Variants in WDR72 observed in about 807,000 individuals in gnomAD.
WDR72 encodes the protein WD repeat domain 72.
In WDR72, 120 loss-of-function variants were observed where a neutral mutation model predicts 124.2. The observed-to-expected ratio is 0.97, with a 90% CI of 0.83 to 1.12. The LOEUF (loss-of-function observed/expected upper bound fraction) is 1.12, where lower values mean the gene tolerates loss of function less well. WDR72 is among the 50% of genes most tolerant of loss of function. The pLI, the probability that WDR72 is intolerant of heterozygous loss-of-function variation, is 0.00. For synonymous variants in WDR72, 452 were observed against 441.7 expected (o/e 1.02, Z -0.29); for missense variants, 1,387 against 1,278.8 (o/e 1.08, Z -1.29).
At chr15:53,730,744 C>CT (rs1038976727) in intron 2 of WDR72, among the ~76,000 whole-genome samples, 2 of 152,072 alleles carry the variant, frequency 1.3e-5, no homozygotes, top group Admixed American at 1.3e-4. Flanking sequence ...TCAAGGACTC[C>CT]TTTTTTTCTA....
At chr15:53,687,410 A>T (rs974421325) in intron 13 of WDR72, among the ~76,000 whole-genome samples, 1 of 150,660 alleles carries the variant, frequency 6.6e-6, no homozygotes, top group East Asian at 2.0e-4. Flanking sequence ...AATACAAACT[A>T]CCATCAGAGA....
At chr15:53,720,591 T>TA (rs1325215382) in intron 3 of WDR72, among the ~76,000 whole-genome samples, 1 of 152,228 alleles carries the variant, frequency 6.6e-6, no homozygotes, top group Non-Finnish European at 1.5e-5. Flanking sequence ...AAAAGTGTTT[T>TA]TGTTGGATAT....
rs773243366 is a variant in WDR72 at position 53,699,820 on chromosome 15, C to T, written c.1695G>A (p.Trp565Ter). The change falls in exon 13 of 20, where the codon TGG becomes TGA. Residue 565 changes from tryptophan to a stop codon, truncating the protein, a stop_gained. Transcript: ENST00000360509. LOFTEE classifies it high-confidence loss of function. Reference protein sequence around the residue: ...KHLFPVRMIKWHPVENFLIVG... With the variant: ...KHLFPVRMIK The stretch of plus-strand genomic sequence containing the variant: ...CAATTAAAAAATTCTCAACCGGGTG[C>T]CATTTTATCATCCTCACAGGAAAAA... 6.2e-7 allele frequency: 1 copy of T among 1,614,134 alleles called. No individual in the cohort carries two copies. Among genetic ancestry groups the T allele is most frequent in the South Asian group, 1.1e-5 (1 of 91,070 alleles).
intron 14 of WDR72, among the ~76,000 whole-genome samples, chr15:53,634,219 C>A (rs888704161): frequency 1.3e-5 from 2 of 152,124 alleles, no homozygotes; most frequent in Non-Finnish European, 2.9e-5. Flanking sequence ...TAGACAGAAG[C>A]CTGCTTAACT....
chr15:53,607,405 C>T (rs891724542), intron 17 of WDR72, among the ~76,000 whole-genome samples: 4 of 152,050 alleles, frequency 2.6e-5, no homozygotes, highest in Non-Finnish European at 1.5e-5. Flanking sequence ...GACAAAAGTG[C>T]CAAGAACATA....
chr15:53,638,023 G>A (rs1245341322), intron 14 of WDR72, among the ~76,000 whole-genome samples: 1 of 152,104 alleles, frequency 6.6e-6, no homozygotes, highest in African/African-American at 2.4e-5. Flanking sequence ...TGAAAAATTT[G>A]TATTCCTTTA....
At chr15:53,574,397 A>T (rs2140309760) in intron 18 of WDR72, among the ~76,000 whole-genome samples, 1 of 152,300 alleles carries the variant, frequency 6.6e-6, no homozygotes, top group South Asian at 2.1e-4. Context: ...AATGACAGGC[A>T]TTGACCTAGG....
At chr15:53,692,353 A>G (rs2016871196) in intron 13 of WDR72, among the ~76,000 whole-genome samples, 1 of 152,204 alleles carries the variant, frequency 6.6e-6, no homozygotes, top group Non-Finnish European at 1.5e-5. Flanking sequence ...ATTGAGCACA[A>G]TTAGAATGGA....
In WDR72 at chr15:53,661,342, G is replaced by T. The variant is rs530767642; in HGVS notation, c.1962+4230C>A. On this transcript the variant is annotated intron_variant, in intron 14 of 19. Coordinates refer to ENST00000360509, the MANE Select transcript of WDR72 (RefSeq NM_182758.4). ...ATGGCAGAAGGTGAACCAGAGCCAT[G>T]TGTGCAGAGATCACATGGTGAAAAG... 2.4e-4 allele frequency among the ~76,000 whole-genome samples: 37 copies of T among 152,318 alleles called. No homozygotes were observed. The South Asian group carries it at 7.7e-3, about 32-fold the overall frequency.
intron 12 of WDR72, 25 bp downstream of exon 12, chr15:53,702,109 T>A: frequency 6.5e-7 from 1 of 1,539,474 alleles, no homozygotes; most frequent in Non-Finnish European, 8.9e-7. Context: ...CAAATTTAGA[T>A]GTTATATTTT....
chr15:53,559,797 G>A (rs552554436), intron 18 of WDR72, among the ~76,000 whole-genome samples: 2 of 151,982 alleles, frequency 1.3e-5, no homozygotes, highest in Non-Finnish European at 2.9e-5. Context: ...TGCCAATTAT[G>A]TTCTCTTAAC....
intron 14 of WDR72, among the ~76,000 whole-genome samples, chr15:53,645,107 T>C (rs2014995532): frequency 6.6e-6 from 1 of 152,134 alleles, no homozygotes; most frequent in Non-Finnish European, 1.5e-5. Context: ...AAGTGGAGCC[T>C]GCTTTAGCGA....
Position 53,517,722 on chromosome 15 carries a change from C to A in WDR72, c.3286G>T (p.Val1096Phe). Residue 1096 changes from valine (V) to phenylalanine (F), a missense_variant, in exon 20 of 20, where the codon GTC (valine) becomes TTC (phenylalanine). Transcript: ENST00000360509. ...EPRHHSWIAK[V>F]CPCKVS ...ATTTAAGACACCTTGCAGGGGCAGACCTTTGCTATCCATGAATGATGCCTT... is the reference window on the plus strand; with the variant it reads ...ATTTAAGACACCTTGCAGGGGCAGAACTTTGCTATCCATGAATGATGCCTT... 6.2e-7 allele frequency: 1 copy of A among 1,612,850 alleles called. No individual in the cohort carries two copies. Among genetic ancestry groups the A allele is most frequent in the African/African-American group, 1.3e-5 (1 of 74,928 alleles).
chr15:53,559,277 A>G (rs1407298922), intron 18 of WDR72, among the ~76,000 whole-genome samples: 1 of 152,012 alleles, frequency 6.6e-6, no homozygotes, highest in Non-Finnish European at 1.5e-5. Flanking sequence ...CAATTCACAC[A>G]AACTGTAATG....
intron 18 of WDR72, among the ~76,000 whole-genome samples, chr15:53,556,335 GTTCCT>G (rs749379182): frequency 3.3e-5 from 5 of 152,116 alleles, no homozygotes; most frequent in Non-Finnish European, 7.4e-5. Context: ...AAAGGTTTGT[GTTCCT>G]TTCTTCATTT....
At chr15:53,531,508 CTGAG>C in intron 18 of WDR72, among the ~76,000 whole-genome samples, 1 of 152,004 alleles carries the variant, frequency 6.6e-6, no homozygotes, top group East Asian at 1.9e-4. Flanking sequence ...CTGCATAACA[CTGAG>C]TATTTGGACT....
chr15:53,548,880 G>A (rs1465858362), intron 18 of WDR72, among the ~76,000 whole-genome samples: 2 of 152,052 alleles, frequency 1.3e-5, no homozygotes, highest in African/African-American at 4.8e-5. Flanking sequence ...TGCAAACAGT[G>A]TTTCCATTTT....
At chr15:53,749,388 T>A (rs979827994) in intron 1 of WDR72, among the ~76,000 whole-genome samples, 1 of 152,156 alleles carries the variant, frequency 6.6e-6, no homozygotes, top group Non-Finnish European at 1.5e-5. Flanking sequence ...TGCCATAAAT[T>A]ATGCCCATAT....
chr15:53,615,689 G>A lies in WDR72; in HGVS notation c.2517C>T (p.Phe839=). 1 of 1,612,056 alleles carries A rather than the reference G, an allele frequency of 6.2e-7. No individual in the cohort carries two copies. ...SLGISLNEDN[F]SLMLPGWDLC... ...AATCCCAACCTGGCAACATCAGTGA[G>A]AAATTATCTTCATTCAAAGAAATTC... The change falls in exon 15 of 20, where the codon TTC becomes TTT. Residue 839 remains phenylalanine, a synonymous_variant. Coordinates refer to ENST00000360509, the MANE Select transcript of WDR72 (RefSeq NM_182758.4).
Sources: allele counts gnomAD v4.1 joint callset (sites outside exome capture counted in the v4.1 genomes callset), GRCh38; gene constraint gnomAD v4.1.1; transcripts MANE v1.5; gene names NCBI Gene and HGNC (gene_info 2026-07-23, HGNC 2026-07-21).